U2SURP: variants seen among roughly 807,000 people sequenced by gnomAD.
U2SURP encodes the protein U2 snRNP associated SURP domain containing.
Under a neutral mutation model 144.9 loss-of-function variants are expected in U2SURP, and 9 were observed. That is an observed-to-expected ratio of 0.06 (90% CI 0.04 to 0.11). The LOEUF (loss-of-function observed/expected upper bound fraction) is 0.11, where lower values mean the gene tolerates loss of function less well. U2SURP is among the 10% of genes least tolerant of loss of function. The pLI is 1.00. For synonymous variants in U2SURP, 408 were observed against 396.8 expected, an observed-to-expected ratio of 1.03 and a Z score of -0.33; for missense variants, 724 against 1,226.7, an observed-to-expected ratio of 0.59 and a Z score of 6.12.
intron 24 of U2SURP, among the ~76,000 whole-genome samples, chr3:143,046,049 C>G (rs188662469): frequency 1.4e-3 from 208 of 152,168 alleles, no homozygotes; most frequent in African/African-American, 4.8e-3. Flanking sequence ...GAATAAAGTT[C>G]TAAATCAGTT....
chr3:143,017,539 T>C (rs1936430612), intron 6 of U2SURP, among the ~76,000 whole-genome samples: 1 of 152,286 alleles, frequency 6.6e-6, no homozygotes, highest in Admixed American at 6.5e-5. Flanking sequence ...GCCTGGTTTT[T>C]TTTGTGTGGC....
intron 1 of U2SURP, among the ~76,000 whole-genome samples, chr3:143,003,685 T>A (rs1010358365): frequency 1.3e-4 from 8 of 63,430 alleles, no homozygotes; most frequent in African/African-American, 9.8e-4. Context: ...TTCTTTTTTT[T>A]TTTTTTTTTT....
At chr3:143,013,967 T>C (rs1273639040) in intron 3 of U2SURP, among the ~76,000 whole-genome samples, 1 of 152,098 alleles carries the variant, frequency 6.6e-6, no homozygotes, top group Non-Finnish European at 1.5e-5. Flanking sequence ...TTTTCTGTCA[T>C]TGCAACTTTT....
At chr3:143,035,106 G>C in intron 19 of U2SURP, 131 bp downstream of exon 19, 1 of 452,574 alleles carries the variant, frequency 2.2e-6, no homozygotes, top group Non-Finnish European at 3.8e-6. Context: ...AGAAGTTACT[G>C]TTTTAAAATT....
intron 13 of U2SURP, among the ~76,000 whole-genome samples, chr3:143,024,252 CTAGT>C (rs1185093889): frequency 1.3e-5 from 2 of 152,118 alleles, no homozygotes; most frequent in South Asian, 2.1e-4. Flanking sequence ...TATAGTTTGA[CTAGT>C]TAGAGTGTAT....
chr3:143,040,353 A>G (rs1442445096), intron 23 of U2SURP, among the ~76,000 whole-genome samples: 1 of 151,860 alleles, frequency 6.6e-6, no homozygotes, highest in East Asian at 1.9e-4. Flanking sequence ...TAGGAATTTC[A>G]GGTAAATCAT....
chr3:143,032,643 C>A, intron 16 of U2SURP, 141 bp from the exon 17 acceptor site: 1 of 662,808 alleles, frequency 1.5e-6, no homozygotes, highest in Non-Finnish European at 2.4e-6. Context: ...GGGGACACAA[C>A]ACAAATCAGA....
rs1553840054 is a variant in U2SURP, at chr3:143,021,404, C to G, written c.769+19C>G. 6.2e-7 allele frequency: 1 copy of G among 1,605,544 alleles called. No homozygotes were observed. Among genetic ancestry groups the G allele is most frequent in the Non-Finnish European group, 8.5e-7 (1 of 1,175,128 alleles). On this transcript the variant is annotated intron_variant, in intron 9 of 27. Coordinates refer to ENST00000473835, the MANE Select transcript of U2SURP (RefSeq NM_001080415.2). ...TCTGGTGGTAATACAGTTTTTTGCT[C>G]TTTTAATCGATAAATTTTCCAAACT...
intron 18 of U2SURP, among the ~76,000 whole-genome samples, chr3:143,034,264 C>G (rs913799121): frequency 6.6e-6 from 1 of 151,966 alleles, no homozygotes; most frequent in Non-Finnish European, 1.5e-5. Flanking sequence ...ATTAGCTGGG[C>G]GTGGTGGTGT....
chr3:143,029,369 G>T (rs1933346092), intron 16 of U2SURP, among the ~76,000 whole-genome samples: 1 of 152,168 alleles, frequency 6.6e-6, no homozygotes. Context: ...TTTTCGAACA[G>T]CATGTGCTTA....
chr3:143,053,596 G>C, intron 25 of U2SURP, 80 bp from the exon 26 acceptor site: 1 of 946,990 alleles, frequency 1.1e-6, no homozygotes, highest in Admixed American at 3.1e-5. Context: ...TTTCCTGTAA[G>C]AGAAGATATT....
rs1391102570 is a variant in U2SURP, at chr3:143,057,879, C to G, written c.*1429C>G. On this transcript the variant is annotated 3_prime_UTR_variant, in exon 28 of 28. Transcript: ENST00000473835. ...ATGGTTTGGAGAGTTCCTATATTAGCTGAGCAGTGAGATACACTATTTCCA... is the reference window on the plus strand; with the variant it reads ...ATGGTTTGGAGAGTTCCTATATTAGGTGAGCAGTGAGATACACTATTTCCA... 2 of 151,886 alleles carry G rather than the reference C, an allele frequency of 1.3e-5. No homozygotes were observed. Among genetic ancestry groups the G allele is most frequent in the African/African-American group, 4.8e-5 (2 of 41,376 alleles). 9.4% of individuals were successfully genotyped at this position (151,886 alleles called of 1,614,324 possible). A position where few individuals can be genotyped will look rare whatever the true frequency, so the allele number is the denominator to read the frequency against.
chr3:143,009,148 A>G (rs944598433), intron 1 of U2SURP, among the ~76,000 whole-genome samples: 1 of 152,088 alleles, frequency 6.6e-6, no homozygotes, highest in Non-Finnish European at 1.5e-5. Context: ...GATATTTGTA[A>G]ATTTATGCAT....
intron 9 of U2SURP, 39 bp downstream of exon 9, chr3:143,021,424 C>T (rs1022514970): frequency 6.2e-7 from 1 of 1,608,636 alleles, no homozygotes. Flanking sequence ...ATAAATTTTC[C>T]AAACTTTATG....
At chr3:143,044,832 C>T (rs1934337508) in intron 24 of U2SURP, among the ~76,000 whole-genome samples, 1 of 152,302 alleles carries the variant, frequency 6.6e-6, no homozygotes, top group East Asian at 1.9e-4. Context: ...CTTTGTCAGA[C>T]ATCACCAAAC....
At chr3:143,004,917 G>A (rs569962030) in intron 1 of U2SURP, among the ~76,000 whole-genome samples, 7 of 152,004 alleles carry the variant, frequency 4.6e-5, no homozygotes, top group African/African-American at 1.5e-4. Flanking sequence ...TGAGAGGAGA[G>A]AGAGAGAGCC....
intron 25 of U2SURP, 38 bp downstream of exon 25, chr3:143,051,087 A>T (rs566415482): frequency 1.5e-6 from 2 of 1,311,868 alleles, no homozygotes; most frequent in Admixed American, 2.2e-5. Flanking sequence ...ACATATTTTG[A>T]AGTTATTTAT....
At chr3:143,050,722 G>A (rs574672730) in intron 24 of U2SURP, among the ~76,000 whole-genome samples, 3 of 152,248 alleles carry the variant, frequency 2.0e-5, no homozygotes, top group Non-Finnish European at 4.4e-5. Context: ...CATGAAGCAC[G>A]GTTCACGGTT....
At chr3:143,054,818 A>G (rs1054996768) in intron 26 of U2SURP, 125 bp from the exon 27 acceptor site, 2 of 989,616 alleles carry the variant, frequency 2.0e-6, no homozygotes, top group Admixed American at 7.4e-5. Context: ...GTATTGTTAA[A>G]AGTAACATTA....
Sources: gnomAD v4.1 joint callset for allele counts (sites outside exome capture counted in the v4.1 genomes callset) on GRCh38, gnomAD v4.1.1 for gene constraint, MANE v1.5 for transcripts, NCBI Gene and HGNC (gene_info 2026-07-23, HGNC 2026-07-21) for gene names.